ZFHX3: variants seen among roughly 807,000 people sequenced by gnomAD.
ZFHX3 encodes zinc finger homeobox protein 3.
In ZFHX3, 42 loss-of-function variants were observed where a neutral mutation model predicts 279.1. The observed-to-expected ratio is 0.15, with a 90% CI of 0.12 to 0.19. The LOEUF is 0.19. Ranked by LOEUF, ZFHX3 falls within the 10% of genes least tolerant of loss-of-function variation. ZFHX3 has a pLI of 1.00. For missense variants in ZFHX3, 4,981 were observed against 4,754.0 expected (o/e 1.05, Z -1.40); for synonymous variants, 2,293 against 1,957.8 (o/e 1.17, Z -4.52).
chr16:72,976,333 T>C, intron 1 of ZFHX3, among the ~76,000 whole-genome samples: 1 of 152,182 alleles, frequency 6.6e-6, no homozygotes, highest in Non-Finnish European at 1.5e-5. Context: ...GAATCAAATC[T>C]GGATGGTGAA....
chr16:72,990,755 T>A (rs986915556), intron 1 of ZFHX3, among the ~76,000 whole-genome samples: 5 of 152,016 alleles, frequency 3.3e-5, no homozygotes, highest in African/African-American at 1.2e-4. Context: ...CCGAGGCAGG[T>A]GGATCACTCG....
chr16:73,197,863 T>A (rs181905616), intron 5 of ZFHX3, among the ~76,000 whole-genome samples: 1 of 151,196 alleles, frequency 6.6e-6, no homozygotes, highest in African/African-American at 2.4e-5. Context: ...CTTGTCAGTG[T>A]TCCAAATGTA....
intron 3 of ZFHX3, among the ~76,000 whole-genome samples, chr16:72,942,935 G>T (rs1042384286): frequency 1.3e-5 from 2 of 152,174 alleles, no homozygotes; most frequent in African/African-American, 4.8e-5. Flanking sequence ...GAAGGCGTTT[G>T]GTCCACAGAC....
At chr16:73,470,249 G>T (rs543800307) in intron 2 of ZFHX3, among the ~76,000 whole-genome samples, 2 of 152,172 alleles carry the variant, frequency 1.3e-5, no homozygotes, top group East Asian at 3.9e-4. Flanking sequence ...GGGCTTCAAC[G>T]CATCATCTAC....
intron 3 of ZFHX3, among the ~76,000 whole-genome samples, chr16:72,906,957 CT>C (rs1458918352): frequency 6.6e-6 from 1 of 152,190 alleles, no homozygotes; most frequent in African/African-American, 2.4e-5. Context: ...ATCACGCATG[CT>C]ACAAGTTTTT....
intron 4 of ZFHX3, among the ~76,000 whole-genome samples, chr16:73,287,089 GGTAA>G (rs527266768): frequency 1.4e-3 from 202 of 146,708 alleles, no homozygotes; most frequent in Non-Finnish European, 1.8e-3. Context: ...TGGGTGTGTG[GGTAA>G]GTGTGTGGCT....
chr16:72,793,729 G>A lies in ZFHX3; in HGVS notation c.8953C>T (p.Leu2985=), dbSNP rs1487413310. 1.2e-6 allele frequency: 2 copies of A among 1,614,150 alleles called. No individual in the cohort carries two copies. The highest frequency in any genetic ancestry group is 4.5e-5 in the East Asian group (2 of 44,870). Residue 2985 remains leucine, a synonymous_variant, in exon 9 of 10, where the codon CTG becomes TTG. Coordinates refer to ENST00000268489, the MANE Select transcript of ZFHX3 (RefSeq NM_006885.4). This position sits in a 1 kb window ranked among gnomAD's most constrained non-coding sequence, Gnocchi z 4.3. ...CAGACCTGAACGACTCTCTTTGGCAGTCCAATGTCATTGCCCAGGACCTCA... is the reference window on the plus strand; with the variant it reads ...CAGACCTGAACGACTCTCTTTGGCAATCCAATGTCATTGCCCAGGACCTCA... The part of the protein sequence containing the change: ...ECEVLGNDIG[L]PKRVVQVWFQ...
intron 1 of ZFHX3, among the ~76,000 whole-genome samples, chr16:73,797,097 G>T (rs1429962697): frequency 6.6e-6 from 1 of 152,094 alleles, no homozygotes; most frequent in African/African-American, 2.4e-5. Flanking sequence ...CAAGTGCTTG[G>T]GAGGCTGAGG....
rs189011455 is a variant in ZFHX3, at chr16:72,905,176, C to T, written c.3217-15214G>A. Among the ~76,000 whole-genome samples the T allele has an allele frequency of 2.0e-3, 303 of 151,994 alleles. 2 individuals carry two copies. Among genetic ancestry groups the T allele is most frequent in the Middle Eastern group, 3.4e-3 (1 of 294 alleles). ...GTAGATGCTTCACTTGATTTCTACA[C>T]GGGGCTCTCTGTCCCTCAATGACTG... On this transcript the variant is annotated intron_variant, in intron 3 of 9. Transcript: ENST00000268489.
At chr16:72,989,620 C>T (rs1962997923) in intron 1 of ZFHX3, among the ~76,000 whole-genome samples, 1 of 152,074 alleles carries the variant, frequency 6.6e-6, no homozygotes, top group African/African-American at 2.4e-5. Flanking sequence ...CAAAAACATA[C>T]CACATACTTA....
chr16:73,816,818 G>C (rs1421807569), intron 1 of ZFHX3, among the ~76,000 whole-genome samples: 1 of 152,238 alleles, frequency 6.6e-6, no homozygotes, highest in Non-Finnish European at 1.5e-5. Context: ...ACAAGCCAGA[G>C]AGTTGTGGGC....
At chr16:73,011,602 T>G (rs889716038) in intron 1 of ZFHX3, among the ~76,000 whole-genome samples, 1 of 151,990 alleles carries the variant, frequency 6.6e-6, no homozygotes, top group Non-Finnish European at 1.5e-5. Flanking sequence ...TTAGCTGGGC[T>G]TGGTGGCGCT....
intron 5 of ZFHX3, among the ~76,000 whole-genome samples, chr16:73,176,161 G>T (rs1056053721): frequency 9.9e-5 from 15 of 152,066 alleles, no homozygotes; most frequent in South Asian, 6.2e-4. Flanking sequence ...ACTCTAGGAG[G>T]CTCACACTTT....
At chr16:73,801,770 G>A (rs931597261) in intron 1 of ZFHX3, among the ~76,000 whole-genome samples, 1 of 152,190 alleles carries the variant, frequency 6.6e-6, no homozygotes, top group Non-Finnish European at 1.5e-5. Context: ...TTATATGCGA[G>A]TGTGGTCATT....
intron 2 of ZFHX3, chr16:73,504,125 C>A (rs893091328): frequency 6.6e-6 from 1 of 152,106 alleles, no homozygotes; most frequent in East Asian, 1.9e-4. Flanking sequence ...ACCGCCATTT[C>A]TCTCTTTTTC....
chr16:73,072,270 C>G (rs1049834633), intron 8 of ZFHX3, among the ~76,000 whole-genome samples: 2 of 152,026 alleles, frequency 1.3e-5, no homozygotes, highest in African/African-American at 4.8e-5. Flanking sequence ...CACAGTGAAA[C>G]GCCATTGCTA....
In ZFHX3 at chr16:72,844,345, T is replaced by C. The variant is rs1253527499; in HGVS notation, c.3449-14486A>G. On this transcript the variant is annotated intron_variant, in intron 4 of 9. Transcript: ENST00000268489. ...TAATCTAAAGTGACTGCAATTTCAG[T>C]CCTGGCTCTCCAGCATTCAGCTCCA... Among the ~76,000 whole-genome samples the C allele has an allele frequency of 2.0e-5, 3 of 152,204 alleles. No individual in the cohort carries two copies. The East Asian group carries it at 5.8e-4, about 29-fold the overall frequency.
chr16:73,311,736 T>C (rs751639538), intron 4 of ZFHX3, among the ~76,000 whole-genome samples: 4 of 152,154 alleles, frequency 2.6e-5, no homozygotes, highest in Non-Finnish European at 4.4e-5. Context: ...TGATCAAATA[T>C]AATTTTTTTC....
chr16:73,851,392 T>C (rs1215608564), intron 1 of ZFHX3, among the ~76,000 whole-genome samples: 2 of 152,204 alleles, frequency 1.3e-5, no homozygotes, highest in African/African-American at 4.8e-5. Flanking sequence ...GTTGAGACGA[T>C]TGTCATACTA....
Sources: allele counts gnomAD v4.1 joint callset (sites outside exome capture counted in the v4.1 genomes callset), GRCh38; gene constraint gnomAD v4.1.1; non-coding constraint Gnocchi (gnomAD v3.1); transcripts MANE v1.5; gene names NCBI Gene and HGNC (gene_info 2026-07-23, HGNC 2026-07-21).